The following CCDC91 variants were observed in gnomAD, a reference collection of about 807,000 sequenced individuals.
CCDC91 encodes coiled-coil domain-containing protein 91.
CCDC91 carries 48 observed loss-of-function variants against 63.2 expected under a neutral mutation model. The observed-to-expected ratio is 0.76, with a 90% confidence interval of 0.60 to 0.97. CCDC91 has a LOEUF of 0.97. Ranked by LOEUF, CCDC91 falls within the 50% of genes least tolerant of loss-of-function variation. The pLI, the probability that CCDC91 is intolerant of heterozygous loss-of-function variation, is 0.00. For missense variants in CCDC91, 500 were observed against 494.6 expected, an observed-to-expected ratio of 1.01 and a Z score of -0.10; for synonymous variants, 167 against 165.8, an observed-to-expected ratio of 1.01 and a Z score of -0.06.
chr12:28,369,552 G>A (rs1489525536), intron 7 of CCDC91, among the ~76,000 whole-genome samples: 2 of 152,080 alleles, frequency 1.3e-5, no homozygotes, highest in Non-Finnish European at 2.9e-5. Context: ...ACCATTCTGG[G>A]GTCTCAAAGA....
intron 8 of CCDC91, among the ~76,000 whole-genome samples, chr12:28,434,526 T>G (rs966955589): frequency 6.6e-6 from 1 of 151,158 alleles, no homozygotes; most frequent in South Asian, 2.1e-4. Context: ...TCCAATTAAT[T>G]TGCTAATTTT....
At chr12:28,195,583 T>G (rs1177870646) in intron 1 of CCDC91, among the ~76,000 whole-genome samples, 1 of 152,200 alleles carries the variant, frequency 6.6e-6, no homozygotes, top group African/African-American at 2.4e-5. Flanking sequence ...CTTATTATGG[T>G]AGCGTTATAG....
intron 8 of CCDC91, among the ~76,000 whole-genome samples, chr12:28,393,911 G>A (rs1228715427): frequency 5.3e-5 from 8 of 152,158 alleles, no homozygotes; most frequent in Admixed American, 4.6e-4. Flanking sequence ...ATGAAAATCA[G>A]TGTGTTTCTA....
At chr12:28,270,357 A>T (rs867434899) in intron 3 of CCDC91, among the ~76,000 whole-genome samples, 1 of 152,132 alleles carries the variant, frequency 6.6e-6, no homozygotes, top group Admixed American at 6.6e-5. Flanking sequence ...GAGTTTGATC[A>T]TTTTGTATCT....
At chr12:28,517,688 G>A (rs1940103529) in intron 12 of CCDC91, among the ~76,000 whole-genome samples, 1 of 151,874 alleles carries the variant, frequency 6.6e-6, no homozygotes, top group South Asian at 2.1e-4. Flanking sequence ...TTGGTTTCAT[G>A]CTTAACTCCT....
At chr12:28,359,408 T>C (rs1943729666) in intron 6 of CCDC91, among the ~76,000 whole-genome samples, 1 of 152,238 alleles carries the variant, frequency 6.6e-6, no homozygotes, top group African/African-American at 2.4e-5. Context: ...TGCCTTAGGC[T>C]AATTAACTCT....
chr12:28,382,897 G>T (rs1407391969), intron 7 of CCDC91, among the ~76,000 whole-genome samples: 1 of 151,798 alleles, frequency 6.6e-6, no homozygotes, highest in Admixed American at 6.6e-5. Context: ...AACTGAAACT[G>T]TAGCTCTTAT....
chr12:28,308,883 G>A (rs1197613636), intron 6 of CCDC91, among the ~76,000 whole-genome samples: 2 of 151,914 alleles, frequency 1.3e-5, no homozygotes, highest in Non-Finnish European at 2.9e-5. Flanking sequence ...TCCTTCATGA[G>A]TTTTTAATTC....
intron 12 of CCDC91, among the ~76,000 whole-genome samples, chr12:28,531,401 T>A (rs1337377739): frequency 1.3e-5 from 2 of 152,200 alleles, no homozygotes; most frequent in Non-Finnish European, 2.9e-5. Flanking sequence ...TCATATATTA[T>A]TACTAATTTT....
At position 28,230,476 on chromosome 12, in the gene CCDC91, A is replaced by G. The variant is rs187983289; in HGVS notation, c.-14-26726A>G. On this transcript the variant is annotated intron_variant, in intron 1 of 12. Transcript: ENST00000536442. ...ATGTTTCTGAAATGGTGTGGTTGCA[A>G]TAGGTCAATAGCTACATGCATATTT... 7.2e-5 allele frequency among the ~76,000 whole-genome samples: 11 copies of G among 152,310 alleles called. No homozygotes were observed. In the East Asian group the frequency reaches 1.2e-3, roughly 16 times the overall value.
At chr12:28,416,724 C>A (rs1259570988) in intron 8 of CCDC91, among the ~76,000 whole-genome samples, 1 of 152,016 alleles carries the variant, frequency 6.6e-6, no homozygotes, top group Non-Finnish European at 1.5e-5. Context: ...GCATTTCTGG[C>A]AAGATCAGGA....
chr12:28,390,039 G>A (rs756647676), intron 7 of CCDC91, among the ~76,000 whole-genome samples: 4 of 152,068 alleles, frequency 2.6e-5, no homozygotes, highest in Non-Finnish European at 5.9e-5. Flanking sequence ...AAAACTCAGA[G>A]CTTTATTTTC....
intron 12 of CCDC91, among the ~76,000 whole-genome samples, chr12:28,498,777 C>T (rs1221153109): frequency 6.6e-6 from 1 of 151,496 alleles, no homozygotes; most frequent in East Asian, 2.0e-4. Flanking sequence ...GAACAAATAC[C>T]ATCAAATACC....
intron 6 of CCDC91, among the ~76,000 whole-genome samples, chr12:28,326,755 G>C (rs1028814625): frequency 3.9e-5 from 6 of 152,040 alleles, no homozygotes; most frequent in African/African-American, 7.2e-5. Context: ...AAAGAAACAA[G>C]TGATGATAAA....
chr12:28,479,798 TTTAGACCAATGTTTAAGAG>T (rs1308808325), intron 11 of CCDC91, among the ~76,000 whole-genome samples: 1 of 151,354 alleles, frequency 6.6e-6, no homozygotes, highest in African/African-American at 2.5e-5. Context: ...CTTTTCTTTG[TTTAGACCAATGTTTAAGAG>T]TTAGCAACTT....
At chr12:28,222,217 T>C (rs1350404095) in intron 1 of CCDC91, among the ~76,000 whole-genome samples, 1 of 152,202 alleles carries the variant, frequency 6.6e-6, no homozygotes, top group Non-Finnish European at 1.5e-5. Flanking sequence ...GCTATCTGTA[T>C]ACTGTAATTC....
At chr12:28,259,021 C>T (rs1946644059) in intron 2 of CCDC91, among the ~76,000 whole-genome samples, 1 of 151,770 alleles carries the variant, frequency 6.6e-6, no homozygotes, top group South Asian at 2.1e-4. Context: ...AATATTTTTC[C>T]TACATAGATG....
At chr12:28,260,506 T>A (rs1038927163) in intron 3 of CCDC91, among the ~76,000 whole-genome samples, 1 of 152,004 alleles carries the variant, frequency 6.6e-6, no homozygotes, top group Non-Finnish European at 1.5e-5. Flanking sequence ...TGCTTCTCAT[T>A]GCTGTTCATT....
At chr12:28,479,102 C>G (rs1273740381) in intron 11 of CCDC91, among the ~76,000 whole-genome samples, 1 of 152,160 alleles carries the variant, frequency 6.6e-6, no homozygotes, top group Non-Finnish European at 1.5e-5. Flanking sequence ...ACCCAGCCAT[C>G]CCATTACTGG....
Sources: gnomAD v4.1 joint callset for allele counts (sites outside exome capture counted in the v4.1 genomes callset) on GRCh38, gnomAD v4.1.1 for gene constraint, MANE v1.5 for transcripts, NCBI Gene and HGNC (gene_info 2026-07-23, HGNC 2026-07-21) for gene names.